Variants in TAFA5 observed in about 807,000 individuals in gnomAD.
TAFA5 encodes TAFA chemokine like family member 5.
Under a neutral mutation model 15.3 loss-of-function variants are expected in TAFA5, and 6 were observed. The observed-to-expected ratio is 0.39, with a 90% CI of 0.21 to 0.77. The LOEUF (loss-of-function observed/expected upper bound fraction) is 0.77, where lower values mean the gene tolerates loss of function less well. Ranked by LOEUF, TAFA5 falls within the 30% of genes least tolerant of loss-of-function variation. TAFA5 has a pLI of 0.41. For synonymous variants in TAFA5, 103 were observed against 80.7 expected (o/e 1.28, Z -1.48); for missense variants, 161 against 193.1 (o/e 0.83, Z 0.98).
At chr22:48,711,855 C>T (rs139219121) in intron 3 of TAFA5, among the ~76,000 whole-genome samples, 3 of 152,316 alleles carry the variant, frequency 2.0e-5, no homozygotes, top group Non-Finnish European at 4.4e-5. Context: ...CACTCCTCAA[C>T]CCCTTCCGGT....
At chr22:48,733,747 A>G (rs9628522) in intron 3 of TAFA5, among the ~76,000 whole-genome samples, 9,110 of 152,078 alleles carry the variant, frequency 0.06, 770 homozygotes, top group African/African-American at 0.19. Context: ...TGCAGGCCAA[A>G]TCAGGCCCAT....
chr22:48,542,524 TGTG>T (rs1922466912), intron 1 of TAFA5, among the ~76,000 whole-genome samples: 1 of 85,678 alleles, frequency 1.2e-5, no homozygotes, highest in Non-Finnish European at 2.2e-5. Context: ...TGTGTGTGCA[TGTG>T]TGGTGTGTGG....
intron 1 of TAFA5, among the ~76,000 whole-genome samples, chr22:48,542,006 G>A (rs1922392264): frequency 6.6e-6 from 1 of 152,172 alleles, no homozygotes; most frequent in Non-Finnish European, 1.5e-5. Context: ...TCAATCAGCC[G>A]CTGTGGTTCT....
At chr22:48,669,420 C>T (rs1658131987) in intron 2 of TAFA5, among the ~76,000 whole-genome samples, 2 of 152,232 alleles carry the variant, frequency 1.3e-5, no homozygotes, top group African/African-American at 2.4e-5. Context: ...CCCATGCAGT[C>T]CGTGAGGACC....
chr22:48,684,817 C>T (rs1928303514), intron 2 of TAFA5, among the ~76,000 whole-genome samples: 1 of 152,208 alleles, frequency 6.6e-6, no homozygotes, highest in South Asian at 2.1e-4. Context: ...GACCTGCTCA[C>T]ACGCTGTGCC....
Position 48,742,595 on chromosome 22 carries a change from G to GACATGGTGGACCGGGCC in TAFA5, c.391-7243_391-7227dup, listed in dbSNP as rs1930212182. ...GACTGGGCAGCGTGATGGACCAGGCGACATGGTGGACCGGGCCGCATGGTG... is the reference window on the plus strand; with the variant it reads ...GACTGGGCAGCGTGATGGACCAGGCGACATGGTGGACCGGGCCACATGGTGGACCGGGCCGCATGGTG... On this transcript the variant is annotated intron_variant, in intron 3 of 3. Coordinates refer to ENST00000402357, the MANE Select transcript of TAFA5 (RefSeq NM_001082967.3). The surrounding 1 kb of genome is among the most constrained non-coding windows in gnomAD (Gnocchi z 6.2). Among the ~76,000 whole-genome samples the GACATGGTGGACCGGGCC allele has an allele frequency of 2.0e-5, 3 of 151,642 alleles. No homozygotes were observed. The highest frequency in any genetic ancestry group is 2.0e-4 in the Admixed American group (3 of 15,218).
chr22:48,502,137 C>G (rs1420618010), intron 1 of TAFA5, among the ~76,000 whole-genome samples: 15 of 152,174 alleles, frequency 9.9e-5, no homozygotes, highest in Non-Finnish European at 2.1e-4. Flanking sequence ...TGACAATGAA[C>G]ATCTCAGAAT....
chr22:48,658,253 C>T (rs1455038570), intron 2 of TAFA5, among the ~76,000 whole-genome samples: 1 of 152,122 alleles, frequency 6.6e-6, no homozygotes, highest in Non-Finnish European at 1.5e-5. Flanking sequence ...GGTGGGGGAG[C>T]AGCGAGGTCT....
chr22:48,521,484 C>T (rs184904872), intron 1 of TAFA5, among the ~76,000 whole-genome samples: 3 of 152,074 alleles, frequency 2.0e-5, no homozygotes, highest in Admixed American at 2.0e-4. Flanking sequence ...TGTTTGTTCT[C>T]GGTGCCACAT....
intron 1 of TAFA5, among the ~76,000 whole-genome samples, chr22:48,501,090 G>A (rs560875847): frequency 2.0e-5 from 3 of 152,044 alleles, no homozygotes; most frequent in East Asian, 1.9e-4. Flanking sequence ...CCCTTCCCCC[G>A]CCACCAGACA....
At chr22:48,579,531 G>A (rs1440851634) in intron 1 of TAFA5, among the ~76,000 whole-genome samples, 1 of 152,226 alleles carries the variant, frequency 6.6e-6, no homozygotes, top group African/African-American at 2.4e-5. Flanking sequence ...GGGTGCAGAC[G>A]ACGTGTGTCA....
intron 1 of TAFA5, among the ~76,000 whole-genome samples, chr22:48,604,086 G>A (rs750316108): frequency 6.6e-6 from 1 of 152,308 alleles, no homozygotes; most frequent in African/African-American, 2.4e-5. Flanking sequence ...CGACAGGCGC[G>A]CAAGCTACCG....
intron 2 of TAFA5, among the ~76,000 whole-genome samples, chr22:48,687,497 GAACCT>G (rs1216525439): frequency 1.3e-5 from 2 of 152,150 alleles, no homozygotes; most frequent in African/African-American, 4.8e-5. Context: ...AATATTTCCT[GAACCT>G]AACTATGAAG....
At chr22:48,535,452 A>G (rs1241463722) in intron 1 of TAFA5, among the ~76,000 whole-genome samples, 1 of 152,282 alleles carries the variant, frequency 6.6e-6, no homozygotes, top group African/African-American at 2.4e-5. Context: ...ACATGTACAC[A>G]GTCTGTGTTG....
At chr22:48,503,281 C>CGTGAGTTG (rs1306573985) in intron 1 of TAFA5, among the ~76,000 whole-genome samples, 7 of 152,216 alleles carry the variant, frequency 4.6e-5, no homozygotes, top group Admixed American at 4.6e-4. Context: ...TTGCTGAACA[C>CGTGAGTTG]GTGAGTTGTG....
At chr22:48,597,188 G>T (rs557203320) in intron 1 of TAFA5, among the ~76,000 whole-genome samples, 1 of 152,374 alleles carries the variant, frequency 6.6e-6, no homozygotes, top group South Asian at 2.1e-4. Flanking sequence ...CCAGAGGGGA[G>T]ATAGTCAGGG....
At chr22:48,582,990 CAAAATAA>C (rs1292896944) in intron 1 of TAFA5, among the ~76,000 whole-genome samples, 1 of 145,742 alleles carries the variant, frequency 6.9e-6, no homozygotes, top group Admixed American at 6.8e-5. Context: ...ACACCACACA[CAAAATAA>C]ACCACACACA....
chr22:48,707,660 A>G (rs1311823762), intron 2 of TAFA5, 57 bp from the exon 3 acceptor site: 1 of 1,586,166 alleles, frequency 6.3e-7, no homozygotes, highest in African/African-American at 1.3e-5. Flanking sequence ...GCCCTCAGCA[A>G]CACCCTCACG....
At chr22:48,558,910 G>C (rs1235149818) in intron 1 of TAFA5, among the ~76,000 whole-genome samples, 2 of 152,244 alleles carry the variant, frequency 1.3e-5, no homozygotes, top group Non-Finnish European at 2.9e-5. Context: ...ATAGGAGCAT[G>C]GCGGGAAATT....
Sources: allele counts gnomAD v4.1 joint callset (sites outside exome capture counted in the v4.1 genomes callset), GRCh38; gene constraint gnomAD v4.1.1; non-coding constraint Gnocchi (gnomAD v3.1); transcripts MANE v1.5; gene names NCBI Gene and HGNC (gene_info 2026-07-23, HGNC 2026-07-21).